The following R3HCC1L variants were observed in gnomAD, a reference collection of about 807,000 sequenced individuals.
R3HCC1L encodes the protein R3H domain and coiled-coil containing 1 like.
A neutral mutation model predicts 59.9 loss-of-function variants in R3HCC1L; 51 were observed. The ratio of observed to expected loss-of-function variants is 0.85; its 90% confidence interval spans 0.68 to 1.07. R3HCC1L has a LOEUF of 1.07. Ranked by LOEUF, R3HCC1L falls within the 50% of genes least tolerant of loss-of-function variation. R3HCC1L has a pLI of 0.00. For synonymous variants in R3HCC1L, 322 were observed against 315.2 expected (o/e 1.02, Z -0.23); for missense variants, 965 against 933.0 (o/e 1.03, Z -0.45).
At chr10:98,221,901 T>C (rs1487897173) in intron 5 of R3HCC1L, among the ~76,000 whole-genome samples, 2 of 152,188 alleles carry the variant, frequency 1.3e-5, no homozygotes, top group Non-Finnish European at 2.9e-5. Flanking sequence ...AGTAGTTTTT[T>C]CCAATTCTGT....
intron 4 of R3HCC1L, among the ~76,000 whole-genome samples, chr10:98,201,880 GATT>G (rs1198952245): frequency 2.1e-5 from 2 of 93,900 alleles, no homozygotes; most frequent in South Asian, 5.6e-4. Context: ...TGAAAGATGA[GATT>G]TTTTTTTTTT....
At position 98,199,987 on chromosome 10, in the gene R3HCC1L, C is replaced by A. The variant is rs1312901920; in HGVS notation, c.-14-8114C>A. Among the ~76,000 whole-genome samples the A allele has an allele frequency of 2.0e-5, 3 of 151,970 alleles. No homozygotes were observed. The East Asian group carries it at 5.8e-4, about 29-fold the overall frequency. The stretch of plus-strand genomic sequence containing the variant: ...AAATAGACTTGTGTATCAGTCTTAT[C>A]AAAACTCTTGAGGGTTTCACCAGTT... On this transcript the variant is annotated intron_variant, in intron 4 of 9. Coordinates refer to ENST00000298999, the MANE Select transcript of R3HCC1L (RefSeq NM_001351015.2).
intron 5 of R3HCC1L, among the ~76,000 whole-genome samples, chr10:98,229,358 G>C (rs886320404): frequency 6.8e-6 from 1 of 147,362 alleles, no homozygotes; most frequent in African/African-American, 2.5e-5. Context: ...TTGTGAATGG[G>C]AATTCACTCA....
At chr10:98,202,051 C>T (rs1852111616) in intron 4 of R3HCC1L, among the ~76,000 whole-genome samples, 1 of 151,990 alleles carries the variant, frequency 6.6e-6, no homozygotes, top group Non-Finnish European at 1.5e-5. Flanking sequence ...CAGGCGCATG[C>T]CTCTGGCTGA....
At chr10:98,135,675 G>A (rs1021038761) in intron 1 of R3HCC1L, among the ~76,000 whole-genome samples, 4 of 152,190 alleles carry the variant, frequency 2.6e-5, no homozygotes, top group Admixed American at 6.5e-5. Flanking sequence ...ACCTTAGGGC[G>A]TTACCACCTG....
chr10:98,147,205 T>C (rs542260468), intron 1 of R3HCC1L, among the ~76,000 whole-genome samples: 10 of 152,324 alleles, frequency 6.6e-5, no homozygotes, highest in Non-Finnish European at 1.3e-4. Context: ...CGTTTGAATG[T>C]CATCTTTTGA....
intron 9 of R3HCC1L, among the ~76,000 whole-genome samples, chr10:98,240,714 G>T (rs1289155678): frequency 6.6e-6 from 1 of 151,666 alleles, no homozygotes; most frequent in Admixed American, 6.6e-5. Flanking sequence ...GGGCAGTGTG[G>T]CATTGCTGAT....
At chr10:98,217,595 A>T (rs188788318) in intron 5 of R3HCC1L, among the ~76,000 whole-genome samples, 2 of 152,254 alleles carry the variant, frequency 1.3e-5, no homozygotes, top group Non-Finnish European at 2.9e-5. Context: ...GAATCTTTAG[A>T]TTGCTTTAGG....
At chr10:98,216,487 T>G (rs1310401010) in intron 5 of R3HCC1L, among the ~76,000 whole-genome samples, 1 of 152,070 alleles carries the variant, frequency 6.6e-6, no homozygotes, top group African/African-American at 2.4e-5. Flanking sequence ...CACTTCAGCC[T>G]GGGCAACAGA....
chr10:98,158,488 G>A (rs1032510463), intron 2 of R3HCC1L, among the ~76,000 whole-genome samples: 3 of 152,154 alleles, frequency 2.0e-5, no homozygotes, highest in African/African-American at 7.2e-5. Context: ...TACCCAAAAT[G>A]TTAACATTTT....
At chr10:98,139,548 T>G (rs1334876537) in intron 1 of R3HCC1L, among the ~76,000 whole-genome samples, 2 of 152,228 alleles carry the variant, frequency 1.3e-5, no homozygotes, top group Non-Finnish European at 2.9e-5. Context: ...CAGAAAACAT[T>G]TAGAATTATC....
chr10:98,206,409 G>T (rs950469652), intron 4 of R3HCC1L, among the ~76,000 whole-genome samples: 3 of 149,850 alleles, frequency 2.0e-5, no homozygotes, highest in African/African-American at 7.3e-5. Context: ...CAGCATTTCA[G>T]ATTATAGAAA....
At chr10:98,235,690 ATGGCATCTGAGCAGCCACTTGGAG>A (rs1253460513) in intron 8 of R3HCC1L, among the ~76,000 whole-genome samples, 170 bp downstream of exon 8, 1 of 152,252 alleles carries the variant, frequency 6.6e-6, no homozygotes, top group Admixed American at 6.5e-5. Context: ...TGTTGGAAAT[ATGGCATCTGAGCAGCCACTTGGAG>A]TGTGTGAGAA....
At chr10:98,150,447 G>A (rs1846034278) in intron 1 of R3HCC1L, among the ~76,000 whole-genome samples, 1 of 151,494 alleles carries the variant, frequency 6.6e-6, no homozygotes, top group Non-Finnish European at 1.5e-5. Context: ...CCCATGTTTG[G>A]ATCTACTTGT....
intron 1 of R3HCC1L, among the ~76,000 whole-genome samples, chr10:98,142,935 C>CA (rs989917705): frequency 2.0e-4 from 28 of 138,126 alleles, no homozygotes; most frequent in East Asian, 4.1e-4. Context: ...ACTCTGTCTC[C>CA]AAAAAAAAAC....
intron 1 of R3HCC1L, among the ~76,000 whole-genome samples, chr10:98,142,056 A>T (rs952130669): frequency 5.3e-5 from 8 of 152,228 alleles, no homozygotes; most frequent in African/African-American, 1.9e-4. Context: ...TTATTTTGTT[A>T]AAAAATTTGT....
chr10:98,234,645 G>T, intron 7 of R3HCC1L, 129 bp downstream of exon 7: 4 of 896,306 alleles, frequency 4.5e-6, no homozygotes, highest in Non-Finnish European at 3.5e-6. Flanking sequence ...GCAGTTAGTG[G>T]TTTTTTTGAG....
At chr10:98,233,379 T>C (rs1856593896) in intron 6 of R3HCC1L, among the ~76,000 whole-genome samples, 1 of 152,200 alleles carries the variant, frequency 6.6e-6, no homozygotes, top group African/African-American at 2.4e-5. Flanking sequence ...CCATCTGTGA[T>C]TTATAAAAAT....
chr10:98,192,907 A>G, intron 4 of R3HCC1L, among the ~76,000 whole-genome samples: 1 of 152,184 alleles, frequency 6.6e-6, no homozygotes, highest in East Asian at 1.9e-4. Context: ...TGAATTCAAT[A>G]AGACATTAAA....
Sources: allele counts gnomAD v4.1 joint callset (sites outside exome capture counted in the v4.1 genomes callset), GRCh38; gene constraint gnomAD v4.1.1; transcripts MANE v1.5; gene names NCBI Gene and HGNC (gene_info 2026-07-23, HGNC 2026-07-21).